RUBCN: variants seen among roughly 807,000 people sequenced by gnomAD.
RUBCN encodes the protein run domain Beclin-1-interacting and cysteine-rich domain-containing protein.
Under a neutral mutation model 113.2 loss-of-function variants are expected in RUBCN, and 74 were observed. That is an observed-to-expected ratio of 0.65 (90% CI 0.54 to 0.79). The LOEUF (loss-of-function observed/expected upper bound fraction) is 0.79. RUBCN is among the 30% of genes least tolerant of loss of function. RUBCN has a pLI of 0.00. For synonymous variants in RUBCN, 480 were observed against 490.0 expected (o/e 0.98, Z 0.27); for missense variants, 1,109 against 1,251.7 (o/e 0.89, Z 1.72).
intron 1 of RUBCN, among the ~76,000 whole-genome samples, chr3:197,727,339 G>A (rs886279194): frequency 6.6e-6 from 1 of 152,178 alleles, no homozygotes; most frequent in Non-Finnish European, 1.5e-5. Context: ...GGGTGTAACT[G>A]ACAATCTAGG....
chr3:197,729,334 G>A (rs190881114), intron 1 of RUBCN, among the ~76,000 whole-genome samples: 1 of 151,964 alleles, frequency 6.6e-6, no homozygotes, highest in Non-Finnish European at 1.5e-5. Flanking sequence ...CTCACTACAA[G>A]TTCTGCCTCC....
chr3:197,735,751 C>A (rs574147686), intron 1 of RUBCN, among the ~76,000 whole-genome samples: 2 of 152,074 alleles, frequency 1.3e-5, no homozygotes, highest in African/African-American at 4.8e-5. Flanking sequence ...ACCACCACGC[C>A]GAGCTAATTT....
intron 16 of RUBCN, among the ~76,000 whole-genome samples, chr3:197,679,488 A>C (rs1241872114): frequency 2.9e-5 from 4 of 139,214 alleles, no homozygotes; most frequent in Admixed American, 7.2e-5. Flanking sequence ...ACGCTCTGAC[A>C]ACTGGCTCCA....
At chr3:197,686,125 G>T (rs773556101) in intron 11 of RUBCN, among the ~76,000 whole-genome samples, 5 of 151,978 alleles carry the variant, frequency 3.3e-5, no homozygotes, top group Non-Finnish European at 5.9e-5. Flanking sequence ...TTATTTTCGT[G>T]CCAGGCTATT....
chr3:197,735,553 C>T (rs1233858978), intron 1 of RUBCN, among the ~76,000 whole-genome samples: 1 of 152,228 alleles, frequency 6.6e-6, no homozygotes, highest in Non-Finnish European at 1.5e-5. Flanking sequence ...TCTCTACAGA[C>T]TCCGATTCAT....
intron 1 of RUBCN, among the ~76,000 whole-genome samples, chr3:197,725,466 T>C (rs2108981425): frequency 6.6e-6 from 1 of 151,032 alleles, no homozygotes; most frequent in Non-Finnish European, 1.5e-5. Context: ...CTGGGGCACC[T>C]GGGAGAATGT....
chr3:197,701,630 C>A, intron 6 of RUBCN, 78 bp downstream of exon 6: 20 of 1,403,222 alleles, frequency 1.4e-5, no homozygotes, highest in Non-Finnish European at 1.9e-5. Context: ...ATTTTCCAAG[C>A]CTATGAGCAA....
At chr3:197,709,071 T>C (rs1384345371) in intron 2 of RUBCN, among the ~76,000 whole-genome samples, 1 of 152,184 alleles carries the variant, frequency 6.6e-6, no homozygotes, top group Non-Finnish European at 1.5e-5. Context: ...ACTCACAGAA[T>C]AGGCTTTGAC....
intron 11 of RUBCN, among the ~76,000 whole-genome samples, chr3:197,687,916 C>T (rs773821932): frequency 6.6e-6 from 1 of 152,206 alleles, no homozygotes; most frequent in African/African-American, 2.4e-5. Flanking sequence ...CAAGCCAGGA[C>T]GTCTGGATCT....
chr3:197,711,337 A>C (rs1724943216), intron 2 of RUBCN, among the ~76,000 whole-genome samples: 1 of 151,342 alleles, frequency 6.6e-6, no homozygotes, highest in African/African-American at 2.5e-5. Flanking sequence ...GTGATGGTAC[A>C]TACGTACAAT....
chr3:197,734,415 A>G lies in RUBCN; in HGVS notation c.65+2240T>C, dbSNP rs1046274626. On this transcript the variant is annotated intron_variant, in intron 1 of 19. Coordinates refer to ENST00000296343, the MANE Select transcript of RUBCN (RefSeq NM_014687.4). ...TGAGACCCTGTCTAAAAAAAGAAAA[A>G]AAAAAAAAAGCGCAGACTCTGGTGC... Among the ~76,000 whole-genome samples the G allele has an allele frequency of 2.6e-5, 4 of 151,708 alleles. 1 individual carries two copies. The highest frequency in any genetic ancestry group is 5.9e-5 in the Non-Finnish European group (4 of 67,956).
intron 1 of RUBCN, among the ~76,000 whole-genome samples, chr3:197,733,607 T>C (rs187226948): frequency 9.2e-5 from 14 of 152,312 alleles, no homozygotes; most frequent in Admixed American, 7.2e-4. Context: ...CCTCAATTAA[T>C]AGGCACAAGG....
chr3:197,721,643 T>A (rs1726181583), intron 1 of RUBCN, among the ~76,000 whole-genome samples: 1 of 152,100 alleles, frequency 6.6e-6, no homozygotes, highest in South Asian at 2.1e-4. Flanking sequence ...TAATTCTGGG[T>A]TTGGTTTGTC....
intron 12 of RUBCN, 143 bp downstream of exon 12, chr3:197,684,014 G>C: frequency 1.5e-6 from 1 of 663,294 alleles, no homozygotes; most frequent in East Asian, 2.7e-5. Flanking sequence ...CGTGGGCTCG[G>C]CACCATCAGC....
chr3:197,720,602 T>C (rs1224457698), intron 1 of RUBCN, among the ~76,000 whole-genome samples: 1 of 152,128 alleles, frequency 6.6e-6, no homozygotes, highest in Non-Finnish European at 1.5e-5. Flanking sequence ...AGATGGGGTT[T>C]CTCCATGATG....
rs1471818766 is a variant in RUBCN at position 197,674,904 on chromosome 3, TAATTA to T, written c.*109_*113del. 2 of 748,458 alleles carry T rather than the reference TAATTA, an allele frequency of 2.7e-6. No individual in the cohort carries two copies. Among genetic ancestry groups the T allele is most frequent in the Non-Finnish European group, 3.9e-6 (2 of 513,386 alleles). 46.4% of individuals were successfully genotyped at this position (748,458 alleles called of 1,614,324 possible). On this transcript the variant is annotated 3_prime_UTR_variant, in exon 20 of 20. Transcript: ENST00000296343. ...GTAAAAAAAAAAAAAAAGATGATGA[TAATTA>T]AAAAAAAAAAAAAAAAAAGAAGCCC... is the stretch of plus-strand genomic sequence containing the variant.
intron 11 of RUBCN, among the ~76,000 whole-genome samples, chr3:197,689,968 C>T (rs1233969800): frequency 2.6e-5 from 4 of 152,194 alleles, no homozygotes; most frequent in Non-Finnish European, 5.9e-5. Context: ...CCCACCTCCT[C>T]CCCAGCCTCT....
chr3:197,729,166 C>T (rs1727113528), intron 1 of RUBCN, among the ~76,000 whole-genome samples: 2 of 149,120 alleles, frequency 1.3e-5, no homozygotes, highest in South Asian at 4.3e-4. Context: ...AAAAAAGATT[C>T]AATACCAGGG....
At chr3:197,725,002 A>G (rs1424631083) in intron 1 of RUBCN, among the ~76,000 whole-genome samples, 1 of 152,126 alleles carries the variant, frequency 6.6e-6, no homozygotes, top group Non-Finnish European at 1.5e-5. Context: ...CAACATGCAA[A>G]ATCTCGTCTC....
Sources: gnomAD v4.1 joint callset for allele counts (sites outside exome capture counted in the v4.1 genomes callset) on GRCh38, gnomAD v4.1.1 for gene constraint, MANE v1.5 for transcripts, NCBI Gene and HGNC (gene_info 2026-07-23, HGNC 2026-07-21) for gene names.